The following KCNH8 variants were observed in gnomAD, a reference collection of about 807,000 sequenced individuals.
KCNH8 encodes potassium voltage-gated channel subfamily H member 8.
A neutral mutation model predicts 103.6 loss-of-function variants in KCNH8; 70 were observed. The ratio of observed to expected loss-of-function variants is 0.68; its 90% CI spans 0.56 to 0.82. The LOEUF is 0.82. Among genes scored for constraint, KCNH8 ranks in the 40% least tolerant of loss-of-function variants. KCNH8 has a pLI of 0.00. For missense variants in KCNH8, 1,217 were observed against 1,329.9 expected (o/e 0.92, Z 1.32); for synonymous variants, 498 against 489.4 (o/e 1.02, Z -0.23).
chr3:19,171,088 C>T (rs2063344509), intron 1 of KCNH8, among the ~76,000 whole-genome samples: 1 of 152,062 alleles, frequency 6.6e-6, no homozygotes, highest in Admixed American at 6.5e-5. Context: ...GCCTGAGCCA[C>T]CACGCCCGGC....
intron 1 of KCNH8, among the ~76,000 whole-genome samples, chr3:19,248,138 A>C (rs2064229533): frequency 6.6e-6 from 1 of 152,220 alleles, no homozygotes; most frequent in African/African-American, 2.4e-5. Flanking sequence ...TTTTTAAGTT[A>C]AACCTAAGAT....
chr3:19,395,804 C>G (rs968257345), intron 7 of KCNH8, among the ~76,000 whole-genome samples: 1 of 152,018 alleles, frequency 6.6e-6, no homozygotes, highest in African/African-American at 2.4e-5. Context: ...ATAACACATT[C>G]TCCACATTTA....
intron 2 of KCNH8, among the ~76,000 whole-genome samples, chr3:19,255,607 G>GGATGTACCAGCCTTAGCTTTTA (rs2064336680): frequency 6.6e-6 from 1 of 151,964 alleles, no homozygotes; most frequent in African/African-American, 2.4e-5. Context: ...GTTTACCTGT[G>GGATGTACCAGCCTTAGCTTTTA]TAACAAACCT....
intron 11 of KCNH8, among the ~76,000 whole-genome samples, chr3:19,501,794 C>T (rs1432176943): frequency 6.6e-6 from 1 of 152,078 alleles, no homozygotes; most frequent in African/African-American, 2.4e-5. Context: ...TAAGAGCTAT[C>T]TATGACAAAC....
At chr3:19,518,109 TAAGAGGAGATATA>T in intron 15 of KCNH8, 35 bp downstream of exon 15, 1 of 1,499,400 alleles carries the variant, frequency 6.7e-7, no homozygotes, top group Non-Finnish European at 9.3e-7. Flanking sequence ...GCCTAAATGG[TAAGAGGAGATATA>T]AATCCTAGTT....
At chr3:19,190,439 G>A (rs958463415) in intron 1 of KCNH8, among the ~76,000 whole-genome samples, 6 of 151,838 alleles carry the variant, frequency 4.0e-5, no homozygotes, top group Non-Finnish European at 8.8e-5. Flanking sequence ...TATTGTTTTT[G>A]TATTTTATTT....
chr3:19,295,812 A>T (rs1386298501), intron 3 of KCNH8, among the ~76,000 whole-genome samples: 2 of 152,178 alleles, frequency 1.3e-5, no homozygotes, highest in East Asian at 3.8e-4. Flanking sequence ...GGGGAAAAAA[A>T]CAGACTATTT....
chr3:19,255,759 A>C (rs1371137272), intron 2 of KCNH8, among the ~76,000 whole-genome samples: 5 of 152,162 alleles, frequency 3.3e-5, no homozygotes, highest in African/African-American at 1.2e-4. Context: ...AAAAAAAGAT[A>C]GTTCCAGTTT....
rs147001578 is a variant in KCNH8 at position 19,385,438 on chromosome 3, G to C, written c.812-5043G>C. Reference sequence around the variant, plus strand: ...TTGACCCTACAGATACAAAGCAAAAGCCAATACCAGCATCAACTATGCCTC... The same window carrying C: ...TTGACCCTACAGATACAAAGCAAAACCCAATACCAGCATCAACTATGCCTC... On this transcript the variant is annotated intron_variant, in intron 5 of 15. Transcript: ENST00000328405. Among the ~76,000 whole-genome samples, 858 of 152,122 alleles carry C rather than the reference G, an allele frequency of 5.6e-3. 13 individuals carry two copies. The highest frequency in any genetic ancestry group is 0.019 in the African/African-American group (796 of 41,516).
At chr3:19,477,852 G>A (rs1234885983) in intron 11 of KCNH8, among the ~76,000 whole-genome samples, 4 of 151,978 alleles carry the variant, frequency 2.6e-5, no homozygotes, top group Non-Finnish European at 5.9e-5. Flanking sequence ...TGAATTCTGG[G>A]CTATTCGTGT....
chr3:19,493,236 G>A (rs1232858890), intron 11 of KCNH8, among the ~76,000 whole-genome samples: 1 of 151,948 alleles, frequency 6.6e-6, no homozygotes, highest in Non-Finnish European at 1.5e-5. Flanking sequence ...TTAACTTCTG[G>A]CTAGGACTTT....
chr3:19,520,482 G>T (rs1033293912), intron 15 of KCNH8, among the ~76,000 whole-genome samples: 1 of 151,804 alleles, frequency 6.6e-6, no homozygotes, highest in Non-Finnish European at 1.5e-5. Flanking sequence ...AATACAAATG[G>T]ACTTCAAACT....
chr3:19,470,373 T>G (rs1251016210), intron 11 of KCNH8, among the ~76,000 whole-genome samples: 2 of 152,194 alleles, frequency 1.3e-5, no homozygotes, highest in African/African-American at 4.8e-5. Context: ...TTCTCTGCAT[T>G]TCCTCTTCAT....
intron 1 of KCNH8, among the ~76,000 whole-genome samples, chr3:19,160,736 A>G (rs1334630514): frequency 6.6e-6 from 1 of 152,108 alleles, no homozygotes; most frequent in Non-Finnish European, 1.5e-5. Context: ...ATCTCACGCT[A>G]TCCCACTCCA....
chr3:19,364,862 C>T (rs531536397), intron 5 of KCNH8, among the ~76,000 whole-genome samples: 7 of 152,224 alleles, frequency 4.6e-5, no homozygotes, highest in Non-Finnish European at 1.0e-4. Flanking sequence ...TTTCAGAATT[C>T]ACTATGGGAA....
intron 7 of KCNH8, among the ~76,000 whole-genome samples, chr3:19,420,005 G>C (rs2066927424): frequency 6.6e-6 from 1 of 152,056 alleles, no homozygotes; most frequent in South Asian, 2.1e-4. Flanking sequence ...TGTGTTCTAA[G>C]TTCAGACTTC....
intron 5 of KCNH8, among the ~76,000 whole-genome samples, chr3:19,386,944 C>T (rs2066365695): frequency 6.6e-6 from 1 of 152,112 alleles, no homozygotes. Context: ...CTCTTTTCTT[C>T]CTCAACACAA....
At chr3:19,533,276 A>C (rs549643301) in intron 15 of KCNH8, 119 bp from the exon 16 acceptor site, 10 of 666,442 alleles carry the variant, frequency 1.5e-5, no homozygotes, top group Middle Eastern at 4.1e-4. Context: ...GTTTAAGAAT[A>C]AATAAGTAGG....
At chr3:19,461,764 C>G (rs1466366469) in intron 11 of KCNH8, among the ~76,000 whole-genome samples, 1 of 152,110 alleles carries the variant, frequency 6.6e-6, no homozygotes, top group Non-Finnish European at 1.5e-5. Flanking sequence ...TTTGCCGCAC[C>G]CATTAACTTG....
Sources: gnomAD v4.1 joint callset for allele counts (sites outside exome capture counted in the v4.1 genomes callset) on GRCh38, gnomAD v4.1.1 for gene constraint, MANE v1.5 for transcripts, NCBI Gene and HGNC (gene_info 2026-07-23, HGNC 2026-07-21) for gene names.